The following TJP1 variants were observed in gnomAD, a reference collection of about 807,000 sequenced individuals.
TJP1 encodes the protein tight junction protein 1.
TJP1 carries 43 observed loss-of-function variants against 194.2 expected under a neutral mutation model. That is an observed-to-expected ratio of 0.22 (90% CI 0.17 to 0.29). The LOEUF is 0.29. Among genes scored for constraint, TJP1 ranks in the 10% least tolerant of loss-of-function variants. The pLI, the probability that TJP1 is intolerant of heterozygous loss-of-function variation, is 1.00. For synonymous variants in TJP1, 801 were observed against 779.0 expected, an observed-to-expected ratio of 1.03 and a Z score of -0.47; for missense variants, 1,971 against 2,185.7, an observed-to-expected ratio of 0.90 and a Z score of 1.96.
intron 1 of TJP1, among the ~76,000 whole-genome samples, chr15:29,811,725 T>G (rs150598445): frequency 1.7e-4 from 26 of 150,060 alleles, no homozygotes; most frequent in Non-Finnish European, 3.0e-4. Flanking sequence ...ATAAAACATC[T>G]TGCTGGGCTG....
chr15:29,816,915 T>G (rs915323099), intron 1 of TJP1, among the ~76,000 whole-genome samples: 3 of 152,062 alleles, frequency 2.0e-5, no homozygotes, highest in Non-Finnish European at 4.4e-5. Flanking sequence ...GACTTCATGA[T>G]GAAAACACCA....
chr15:29,769,606 G>A (rs1484796627), intron 4 of TJP1, among the ~76,000 whole-genome samples: 2 of 152,132 alleles, frequency 1.3e-5, no homozygotes, highest in Non-Finnish European at 2.9e-5. Context: ...TACCTACACA[G>A]TCATGCACCA....
rs564616518 is a variant in TJP1 at position 29,733,477 on chromosome 15, T to C, written c.1517-164A>G. ...TTTCATGTATTCATCACTGTAAGAATTGAAACTCTTAGTACTTCCATTTTG... is the reference window on the plus strand; with the variant it reads ...TTTCATGTATTCATCACTGTAAGAACTGAAACTCTTAGTACTTCCATTTTG... On this transcript the variant is annotated intron_variant, in intron 12 of 27. Transcript: ENST00000614355. 7.2e-5 allele frequency among the ~76,000 whole-genome samples: 11 copies of C among 152,358 alleles called. No individual in the cohort carries two copies. The South Asian group carries it at 1.7e-3, about 23-fold the overall frequency.
chr15:29,787,594 CATAAT>C (rs1373931204), intron 2 of TJP1, among the ~76,000 whole-genome samples: 1 of 152,190 alleles, frequency 6.6e-6, no homozygotes, highest in Non-Finnish European at 1.5e-5. Context: ...AATGGAATCA[CATAAT>C]ATATGTTCTT....
intron 1 of TJP1, among the ~76,000 whole-genome samples, chr15:29,817,041 A>G (rs527903789): frequency 6.6e-6 from 1 of 152,184 alleles, no homozygotes; most frequent in Non-Finnish European, 1.5e-5. Context: ...TGGGAGAAAA[A>G]CTTTTGCCAT....
intron 2 of TJP1, among the ~76,000 whole-genome samples, chr15:29,833,124 A>C (rs1006978985): frequency 2.0e-4 from 30 of 152,206 alleles, no homozygotes; most frequent in Admixed American, 1.9e-3. Flanking sequence ...GAATATTTAG[A>C]GTGCCACAAA....
chr15:29,836,084 A>ACT (rs2152056866), intron 2 of TJP1, among the ~76,000 whole-genome samples: 1 of 152,228 alleles, frequency 6.6e-6, no homozygotes, highest in South Asian at 2.1e-4. Flanking sequence ...AATCCAGAGC[A>ACT]CTCTCTAATA....
chr15:29,819,583 G>C (rs1241362926), intron 1 of TJP1, among the ~76,000 whole-genome samples: 1 of 152,180 alleles, frequency 6.6e-6, no homozygotes. Context: ...TTTCTAACAA[G>C]TTTCCTGATA....
Position 29,740,943 on chromosome 15 carries a change from G to A in TJP1, c.1256+388C>T, listed in dbSNP as rs1320781847. 2.6e-5 allele frequency: 5 copies of A among 191,740 alleles called. No homozygotes were observed. In the South Asian group the frequency reaches 5.4e-4, roughly 21 times the overall value. The allele number at this position is 191,740 out of a possible 1,614,324, so 11.9% of individuals were successfully genotyped here. The stretch of plus-strand genomic sequence containing the variant: ...TAAACATGCCACAATGCACAGGACA[G>A]CCCCTCACAACAAATGCTTACCTGG... On this transcript the variant is annotated intron_variant, in intron 10 of 27. Transcript: ENST00000614355.
chr15:29,904,693 G>A (rs1469820827), intron 2 of TJP1, among the ~76,000 whole-genome samples: 1 of 151,900 alleles, frequency 6.6e-6, no homozygotes, highest in African/African-American at 2.4e-5. Context: ...AAAGATAATC[G>A]AAGTGGGCTG....
intron 18 of TJP1, 55 bp from the exon 19 acceptor site, chr15:29,720,763 G>A (rs977231449): frequency 1.5e-5 from 20 of 1,367,312 alleles, no homozygotes; most frequent in Non-Finnish European, 2.0e-5. Context: ...TTAAGAGATG[G>A]CCTTTATCGT....
chr15:29,894,611 A>G (rs2053419437), intron 2 of TJP1, among the ~76,000 whole-genome samples: 1 of 152,200 alleles, frequency 6.6e-6, no homozygotes, highest in Non-Finnish European at 1.5e-5. Flanking sequence ...AGCCCAGAGC[A>G]CACCTATTGC....
At chr15:29,715,300 G>A (rs780798068) in intron 23 of TJP1, among the ~76,000 whole-genome samples, 5 of 151,982 alleles carry the variant, frequency 3.3e-5, no homozygotes, top group African/African-American at 4.8e-5. Flanking sequence ...TACAAGACAC[G>A]TTTTGCATTT....
intron 1 of TJP1, among the ~76,000 whole-genome samples, chr15:29,802,153 G>C (rs1842334485): frequency 6.6e-6 from 1 of 152,114 alleles, no homozygotes; most frequent in South Asian, 2.1e-4. Context: ...ATTCTTCAGA[G>C]TTATCAAAAG....
At chr15:29,846,584 A>G (rs938311232) in intron 2 of TJP1, among the ~76,000 whole-genome samples, 2 of 152,182 alleles carry the variant, frequency 1.3e-5, no homozygotes, top group Non-Finnish European at 2.9e-5. Flanking sequence ...GGTAAATTGG[A>G]GCAGTGGAAA....
chr15:29,875,353 T>C (rs1330660502), intron 2 of TJP1, among the ~76,000 whole-genome samples: 3 of 152,204 alleles, frequency 2.0e-5, no homozygotes, highest in Non-Finnish European at 4.4e-5. Context: ...TTTTATTTCA[T>C]TTTACTTAAG....
Position 29,705,522 on chromosome 15 carries a change from AT to A in TJP1, c.5068+5del. 6.2e-7 allele frequency: 1 copy of A among 1,613,714 alleles called. No homozygotes were observed. Among genetic ancestry groups the A allele is most frequent in the Non-Finnish European group, 8.5e-7 (1 of 1,179,708 alleles). ...CAAAACTAAGGAGAAAAATAAACAC[AT>A]TTACCTTTCTCTTTATCTAAAGGTG... On this transcript the variant is annotated splice_donor_5th_base_variant and intron_variant, in intron 26 of 27. Transcript: ENST00000614355.
At chr15:29,810,232 G>C (rs917966856) in intron 1 of TJP1, among the ~76,000 whole-genome samples, 1 of 152,186 alleles carries the variant, frequency 6.6e-6, no homozygotes, top group Non-Finnish European at 1.5e-5. Flanking sequence ...ATGAAGTATA[G>C]ATGAAATGAG....
chr15:29,703,754 T>A (rs769241666), intron 27 of TJP1, among the ~76,000 whole-genome samples: 7 of 152,042 alleles, frequency 4.6e-5, no homozygotes. Flanking sequence ...GCAATTCTCC[T>A]GCCTCAGCCT....
Sources: gnomAD v4.1 joint callset for allele counts (sites outside exome capture counted in the v4.1 genomes callset) on GRCh38, gnomAD v4.1.1 for gene constraint, MANE v1.5 for transcripts, NCBI Gene and HGNC (gene_info 2026-07-23, HGNC 2026-07-21) for gene names.